The following CHSY3 variants were observed in gnomAD, a reference collection of about 807,000 sequenced individuals.
CHSY3 encodes chondroitin sulfate synthase 3, also known as N-acetylgalactosaminyl-proteoglycan 3-beta-glucuronosyltransferase 3.
In CHSY3, 35 loss-of-function variants were observed where a neutral mutation model predicts 67.2. The ratio of observed to expected loss-of-function variants is 0.52; its 90% CI spans 0.40 to 0.69. The LOEUF is 0.69. CHSY3 is among the 30% of genes least tolerant of loss of function. The pLI is 0.00. For missense variants in CHSY3, 1,069 were observed against 1,138.5 expected (o/e 0.94, Z 0.88); for synonymous variants, 474 against 434.7 (o/e 1.09, Z -1.12).
intron 2 of CHSY3, among the ~76,000 whole-genome samples, chr5:130,035,456 G>A (rs1373490330): frequency 6.6e-6 from 1 of 152,078 alleles, no homozygotes; most frequent in Admixed American, 6.6e-5. Context: ...TTATTTGTCA[G>A]TAATACAAGG....
chr5:130,116,953 G>A (rs779909879), intron 2 of CHSY3, among the ~76,000 whole-genome samples: 6 of 152,056 alleles, frequency 3.9e-5, no homozygotes, highest in Non-Finnish European at 8.8e-5. Context: ...AGAAAATGTG[G>A]CATCATTTCA....
chr5:130,107,344 T>C (rs545425233), intron 2 of CHSY3, among the ~76,000 whole-genome samples: 1 of 151,350 alleles, frequency 6.6e-6, no homozygotes, highest in Admixed American at 6.6e-5. Context: ...TAATGTGGAG[T>C]TCCACATTAC....
At chr5:129,918,771 G>C (rs1325624027) in intron 2 of CHSY3, among the ~76,000 whole-genome samples, 1 of 151,268 alleles carries the variant, frequency 6.6e-6, no homozygotes, top group Non-Finnish European at 1.5e-5. Context: ...AATATTCAAA[G>C]GTTTAGATCA....
chr5:130,125,123 T>G (rs929893973), intron 2 of CHSY3, among the ~76,000 whole-genome samples: 1 of 152,150 alleles, frequency 6.6e-6, no homozygotes, highest in African/African-American at 2.4e-5. Context: ...AAAATGCAAG[T>G]TGAATCTCAC....
intron 2 of CHSY3, among the ~76,000 whole-genome samples, chr5:130,025,957 C>T (rs558671058): frequency 1.3e-5 from 2 of 152,168 alleles, no homozygotes; most frequent in South Asian, 4.1e-4. Context: ...AAGAATGAAA[C>T]AAGAAGAGGC....
chr5:130,169,583 GCTCT>G lies in CHSY3; in HGVS notation c.1087-14643_1087-14640del, dbSNP rs370030113. Among the ~76,000 whole-genome samples the G allele has an allele frequency of 4.0e-5, 6 of 151,756 alleles. No individual in the cohort carries two copies. The East Asian group carries it at 1.2e-3, about 29-fold the overall frequency. ...AACTTTATCTGACCCATTTTTTAAT[GCTCT>G]CTAACATTAGTGAATGATATAATGT... On this transcript the variant is annotated intron_variant, in intron 2 of 2. Transcript: ENST00000305031.
At chr5:129,936,317 T>A (rs924098788) in intron 2 of CHSY3, among the ~76,000 whole-genome samples, 1 of 152,118 alleles carries the variant, frequency 6.6e-6, no homozygotes, top group Non-Finnish European at 1.5e-5. Context: ...AGAAGGGAAT[T>A]TTTTTTAAAA....
chr5:130,168,573 A>G (rs1769813901), intron 2 of CHSY3, among the ~76,000 whole-genome samples: 1 of 152,164 alleles, frequency 6.6e-6, no homozygotes. Flanking sequence ...TTAAAGAAAC[A>G]TTTAGAAGCT....
chr5:130,033,970 A>T (rs1057470174), intron 2 of CHSY3, among the ~76,000 whole-genome samples: 28 of 152,184 alleles, frequency 1.8e-4, no homozygotes, highest in African/African-American at 6.8e-4. Flanking sequence ...TTAGGGATTT[A>T]TATTTTAAAA....
chr5:129,960,020 T>G (rs1022602397), intron 2 of CHSY3, among the ~76,000 whole-genome samples: 1 of 152,060 alleles, frequency 6.6e-6, no homozygotes, highest in Non-Finnish European at 1.5e-5. Context: ...ACTAAGTTAG[T>G]TTTATGACAA....
In CHSY3 at chr5:130,053,995, A is replaced by G. The variant is rs116497298; in HGVS notation, c.1087-130234A>G. Reference sequence around the variant, plus strand: ...GAGCCTAAAACTTTCCTCAGTTTTAAGACATTTTGTTCCATGCTTGCTTTA... The same window carrying G: ...GAGCCTAAAACTTTCCTCAGTTTTAGGACATTTTGTTCCATGCTTGCTTTA... On this transcript the variant is annotated intron_variant, in intron 2 of 2. Coordinates refer to ENST00000305031, the MANE Select transcript of CHSY3 (RefSeq NM_175856.5). Among the ~76,000 whole-genome samples, 976 of 152,298 alleles carry G rather than the reference A, an allele frequency of 6.4e-3. 12 individuals are homozygous for G. Among genetic ancestry groups the G allele is most frequent in the African/African-American group, 0.023 (936 of 41,568 alleles).
chr5:129,922,141 C>T lies in CHSY3; in HGVS notation c.1086+13781C>T, dbSNP rs73239993. ...TAACATAATGCCCTCTTGTTCTATCCGTGTTGTTGCAAATGACGGGATTTC... is the reference window on the plus strand; with the variant it reads ...TAACATAATGCCCTCTTGTTCTATCTGTGTTGTTGCAAATGACGGGATTTC... On this transcript the variant is annotated intron_variant, in intron 2 of 2. Transcript: ENST00000305031. 9.7e-3 allele frequency among the ~76,000 whole-genome samples: 1,473 copies of T among 152,228 alleles called. 22 individuals are homozygous for T. Among genetic ancestry groups the T allele is most frequent in the African/African-American group, 0.034 (1,394 of 41,542 alleles).
At chr5:130,107,826 A>C (rs1767460610) in intron 2 of CHSY3, among the ~76,000 whole-genome samples, 1 of 151,532 alleles carries the variant, frequency 6.6e-6, no homozygotes, top group Non-Finnish European at 1.5e-5. Flanking sequence ...CCTGCCCCAC[A>C]ATCACTCAAA....
intron 2 of CHSY3, among the ~76,000 whole-genome samples, chr5:129,972,737 A>G (rs1025821967): frequency 6.6e-6 from 1 of 152,008 alleles, no homozygotes; most frequent in African/African-American, 2.4e-5. Flanking sequence ...AACCAGACCT[A>G]TAATAGGCAA....
chr5:129,910,305 A>G (rs1188301797), intron 2 of CHSY3, among the ~76,000 whole-genome samples: 2 of 152,046 alleles, frequency 1.3e-5, no homozygotes, highest in South Asian at 2.1e-4. Context: ...ACACTTGACC[A>G]TCACTGACTT....
intron 2 of CHSY3, among the ~76,000 whole-genome samples, chr5:129,990,109 G>T (rs1210556407): frequency 6.6e-6 from 1 of 151,506 alleles, no homozygotes; most frequent in Non-Finnish European, 1.5e-5. Context: ...ACATATCATG[G>T]ATATACAGAA....
chr5:130,057,379 C>G (rs1447751751), intron 2 of CHSY3, among the ~76,000 whole-genome samples: 1 of 151,848 alleles, frequency 6.6e-6, no homozygotes, highest in East Asian at 1.9e-4. Context: ...AAAAACTTCC[C>G]TAGTTATAAT....
chr5:129,986,965 T>A (rs1763223506), intron 2 of CHSY3, among the ~76,000 whole-genome samples: 1 of 152,166 alleles, frequency 6.6e-6, no homozygotes, highest in Admixed American at 6.6e-5. Context: ...ATTAATGACT[T>A]TTCTTTGACT....
chr5:130,086,146 T>C (rs1766613898), intron 2 of CHSY3, among the ~76,000 whole-genome samples: 1 of 152,078 alleles, frequency 6.6e-6, no homozygotes, highest in Non-Finnish European at 1.5e-5. Context: ...CAGAGCTGAG[T>C]TCAATTCCTG....
Sources: gnomAD v4.1 joint callset for allele counts (sites outside exome capture counted in the v4.1 genomes callset) on GRCh38, gnomAD v4.1.1 for gene constraint, MANE v1.5 for transcripts, NCBI Gene and HGNC (gene_info 2026-07-23, HGNC 2026-07-21) for gene names.